PIK3R1: variants seen among roughly 807,000 people sequenced by gnomAD.
PIK3R1 encodes the protein phosphoinositide-3-kinase regulatory subunit 1.
PIK3R1 carries 29 observed loss-of-function variants against 98.0 expected under a neutral mutation model. The observed-to-expected ratio is 0.30, with a 90% CI of 0.22 to 0.40. The LOEUF (loss-of-function observed/expected upper bound fraction) is 0.40, where lower values mean the gene tolerates loss of function less well. Ranked by LOEUF, PIK3R1 falls within the 10% of genes least tolerant of loss-of-function variation. The pLI is 1.00. For missense variants in PIK3R1, 596 were observed against 872.7 expected (o/e 0.68, Z 3.99); for synonymous variants, 282 against 311.8 (o/e 0.90, Z 1.01).
chr5:68,264,965 C>T (rs1199757262), intron 2 of PIK3R1, among the ~76,000 whole-genome samples: 1 of 152,192 alleles, frequency 6.6e-6, no homozygotes, highest in African/African-American at 2.4e-5. Context: ...TAAGATCAGC[C>T]TGTGAAACTC....
intron 5 of PIK3R1, 26 bp from the exon 6 acceptor site, chr5:68,280,501 TC>T: frequency 2.1e-6 from 3 of 1,453,872 alleles, no homozygotes; most frequent in Non-Finnish European, 2.8e-6. Context: ...TACTCATTTC[TC>T]TTTTTTTTTT....
At chr5:68,281,790 A>G (rs1217554473) in intron 7 of PIK3R1, among the ~76,000 whole-genome samples, 3 of 152,222 alleles carry the variant, frequency 2.0e-5, no homozygotes, top group Admixed American at 1.3e-4. Context: ...TATATTTATT[A>G]TAGGTAATAT....
Position 68,284,073 on chromosome 5 carries a change from C to T in PIK3R1, c.916+3067C>T, listed in dbSNP as rs185837784. 7.9e-5 allele frequency among the ~76,000 whole-genome samples: 12 copies of T among 152,318 alleles called. No individual in the cohort carries two copies. The East Asian group carries it at 1.7e-3, about 22-fold the overall frequency. ...AAATAGATCTGGATTGGAATCTCAA[C>T]TCTCTCGAGTAACTCAGCTTTTCCA... On this transcript the variant is annotated intron_variant, in intron 7 of 15. Transcript: ENST00000521381.
At chr5:68,245,041 G>C (rs1355603299) in intron 2 of PIK3R1, among the ~76,000 whole-genome samples, 1 of 152,138 alleles carries the variant, frequency 6.6e-6, no homozygotes, top group Non-Finnish European at 1.5e-5. Flanking sequence ...CTCTGCTTTG[G>C]GTTGATTCTC....
intron 15 of PIK3R1, 117 bp downstream of exon 15, chr5:68,296,458 C>CAGTACAATAATGTAGA: frequency 1.1e-6 from 1 of 935,438 alleles, no homozygotes; most frequent in Non-Finnish European, 1.6e-6. Context: ...AATAAGCTTA[C>CAGTACAATAATGTAGA]AGTACAATAA....
At chr5:68,295,366 A>G (rs1269618720) in intron 13 of PIK3R1, 42 bp downstream of exon 13, 3 of 1,611,308 alleles carry the variant, frequency 1.9e-6, no homozygotes, top group Non-Finnish European at 2.5e-6. Flanking sequence ...ATAATTGGTG[A>G]TTGCTACAAT....
intron 1 of PIK3R1, among the ~76,000 whole-genome samples, chr5:68,220,752 T>A (rs1290815569): frequency 6.6e-6 from 1 of 152,164 alleles, no homozygotes; most frequent in East Asian, 1.9e-4. Flanking sequence ...TTCTATTTAG[T>A]TGGTTGGTTT....
chr5:68,235,032 A>G (rs1192707875), intron 2 of PIK3R1, among the ~76,000 whole-genome samples: 2 of 152,160 alleles, frequency 1.3e-5, no homozygotes, highest in Non-Finnish European at 2.9e-5. Context: ...TTTTTATGAT[A>G]TTAGATATAA....
intron 2 of PIK3R1, among the ~76,000 whole-genome samples, chr5:68,258,373 C>T (rs1379659864): frequency 6.6e-6 from 1 of 152,182 alleles, no homozygotes; most frequent in African/African-American, 2.4e-5. Flanking sequence ...GTGTTATATA[C>T]ATCTCTGAGC....
At chr5:68,230,270 T>C (rs1463676425) in intron 2 of PIK3R1, among the ~76,000 whole-genome samples, 1 of 152,258 alleles carries the variant, frequency 6.6e-6, no homozygotes, top group Non-Finnish European at 1.5e-5. Flanking sequence ...CGTTTACTTA[T>C]TACGTTTATT....
intron 2 of PIK3R1, among the ~76,000 whole-genome samples, chr5:68,253,658 A>T (rs1448602813): frequency 6.6e-6 from 1 of 152,190 alleles, no homozygotes; most frequent in Non-Finnish European, 1.5e-5. Flanking sequence ...GTCAGGCAAG[A>T]TGCCCCCAAC....
intron 7 of PIK3R1, chr5:68,290,556 A>C (rs1488376571): frequency 2.4e-6 from 2 of 835,428 alleles, no homozygotes; most frequent in African/African-American, 1.8e-5. Context: ...AAGAGAACTG[A>C]TGAAGCAGGA....
At chr5:68,225,769 G>A (rs116028705) in intron 1 of PIK3R1, among the ~76,000 whole-genome samples, 2,208 of 152,298 alleles carry the variant, frequency 0.014, 30 homozygotes, top group Middle Eastern at 0.02. Flanking sequence ...ATGGGCATGC[G>A]TGATGTCCTA....
chr5:68,230,164 T>A lies in PIK3R1; in HGVS notation c.334+3155T>A, dbSNP rs545225681. On this transcript the variant is annotated intron_variant, in intron 2 of 15. Transcript: ENST00000521381. ...ACCCACTCTCACTTCTCTGCTCAAA[T>A]CTTTCGTCTCATGGAGTCTGGCTCT... Among the ~76,000 whole-genome samples the A allele has an allele frequency of 2.6e-5, 4 of 152,338 alleles. 1 individual carries two copies. The South Asian group carries it at 8.3e-4, about 32-fold the overall frequency.
chr5:68,277,905 G>A (rs1264096244), intron 4 of PIK3R1, among the ~76,000 whole-genome samples: 1 of 152,180 alleles, frequency 6.6e-6, no homozygotes, highest in Non-Finnish European at 1.5e-5. Flanking sequence ...TAGTAAAGCT[G>A]TTACAAACGT....
chr5:68,223,899 T>A (rs959395373), intron 1 of PIK3R1, among the ~76,000 whole-genome samples: 16 of 152,208 alleles, frequency 1.1e-4, no homozygotes, highest in African/African-American at 3.6e-4. Flanking sequence ...TGCTTGATGG[T>A]TCCTGGAGGA....
chr5:68,227,434 G>A (rs1312016022), intron 2 of PIK3R1, among the ~76,000 whole-genome samples: 3 of 152,108 alleles, frequency 2.0e-5, no homozygotes, highest in African/African-American at 7.2e-5. Flanking sequence ...CAGATTCAGT[G>A]GTCAAGGGGT....
chr5:68,252,199 G>T (rs1174462026), intron 2 of PIK3R1, among the ~76,000 whole-genome samples: 1 of 152,168 alleles, frequency 6.6e-6, no homozygotes, highest in Non-Finnish European at 1.5e-5. Context: ...TCCTGAACCC[G>T]AGGATCAGCA....
In PIK3R1 at chr5:68,301,416, ATATATATAT is replaced by A. The variant is rs1561308256; in HGVS notation, c.*3816_*3824del. 2 of 103,632 alleles carry A rather than the reference ATATATATAT, an allele frequency of 1.9e-5. No homozygotes were observed. The highest frequency in any genetic ancestry group is 1.0e-4 in the Admixed American group (1 of 9,856). 6.4% of individuals were successfully genotyped at this position (103,632 alleles called of 1,614,324 possible). On this transcript the variant is annotated 3_prime_UTR_variant, in exon 16 of 16. Coordinates refer to ENST00000521381, the MANE Select transcript of PIK3R1 (RefSeq NM_181523.3). ...TGTATATATATATATATATATATAT[ATATATATAT>A]ATATATATGTGTGTGTATATATATA...
Sources: allele counts gnomAD v4.1 joint callset (sites outside exome capture counted in the v4.1 genomes callset), GRCh38; gene constraint gnomAD v4.1.1; transcripts MANE v1.5; gene names NCBI Gene and HGNC (gene_info 2026-07-23, HGNC 2026-07-21).